HECW2: variants seen among roughly 807,000 people sequenced by gnomAD.
HECW2 encodes HECT, C2 and WW domain containing E3 ubiquitin protein ligase 2.
Under a neutral mutation model 175.2 loss-of-function variants are expected in HECW2, and 61 were observed. The ratio of observed to expected loss-of-function variants is 0.35; its 90% CI spans 0.28 to 0.43. The LOEUF (loss-of-function observed/expected upper bound fraction) is 0.43, where lower values mean the gene tolerates loss of function less well. Ranked by LOEUF, HECW2 falls within the 20% of genes least tolerant of loss-of-function variation. The probability of loss-of-function intolerance (pLI) is 1.00; values close to 1 mark genes in which losing one functional copy is unlikely to be tolerated. For missense variants in HECW2, 1,524 were observed against 2,000.5 expected, an observed-to-expected ratio of 0.76 and a Z score of 4.54; for synonymous variants, 671 against 731.0, an observed-to-expected ratio of 0.92 and a Z score of 1.32.
chr2:196,579,951 C>T (rs1428173199), intron 1 of HECW2, among the ~76,000 whole-genome samples: 2 of 152,068 alleles, frequency 1.3e-5, no homozygotes, highest in Non-Finnish European at 2.9e-5. Flanking sequence ...TGTAAGTCAC[C>T]CAGAGTGTGG....
chr2:196,243,670 C>G (rs779424718), intron 19 of HECW2, among the ~76,000 whole-genome samples: 3 of 151,064 alleles, frequency 2.0e-5, no homozygotes, highest in Non-Finnish European at 4.4e-5. Context: ...ACCTCTGTCT[C>G]CTGAGTTCAA....
At chr2:196,249,766 T>A (rs1343566179) in intron 19 of HECW2, among the ~76,000 whole-genome samples, 3 of 152,202 alleles carry the variant, frequency 2.0e-5, no homozygotes, top group African/African-American at 4.8e-5. Context: ...TCCATTGATA[T>A]CAGGCTGTAC....
chr2:196,311,897 C>A (rs557247935), intron 10 of HECW2, among the ~76,000 whole-genome samples: 2 of 152,222 alleles, frequency 1.3e-5, no homozygotes, highest in East Asian at 3.9e-4. Flanking sequence ...TAAATAGGCG[C>A]TTTTCAGTGG....
At chr2:196,575,780 T>A (rs932419391) in intron 1 of HECW2, among the ~76,000 whole-genome samples, 13 of 152,274 alleles carry the variant, frequency 8.5e-5, no homozygotes, top group Admixed American at 6.5e-4. Flanking sequence ...AAACTTTTAC[T>A]CATGGTGGGA....
At chr2:196,481,587 T>C (rs1322687285) in intron 1 of HECW2, among the ~76,000 whole-genome samples, 1 of 152,214 alleles carries the variant, frequency 6.6e-6, no homozygotes, top group Non-Finnish European at 1.5e-5. Context: ...AAAAACATAT[T>C]GTGGCATTCC....
At chr2:196,418,223 G>A (rs1205854956) in intron 2 of HECW2, among the ~76,000 whole-genome samples, 2 of 151,932 alleles carry the variant, frequency 1.3e-5, no homozygotes, top group South Asian at 4.2e-4. Context: ...CTGCCTCCCG[G>A]GTTCACGCCA....
intron 1 of HECW2, among the ~76,000 whole-genome samples, chr2:196,483,295 T>C (rs763142973): frequency 9.2e-5 from 14 of 152,184 alleles, no homozygotes; most frequent in Non-Finnish European, 1.8e-4. Flanking sequence ...TGCCAGGCAT[T>C]ATGCTAAGCT....
At chr2:196,386,107 T>C (rs752659988) in intron 2 of HECW2, among the ~76,000 whole-genome samples, 2 of 152,204 alleles carry the variant, frequency 1.3e-5, no homozygotes, top group Admixed American at 1.3e-4. Context: ...GTTTACTGAG[T>C]GCCTACTTTG....
At chr2:196,252,182 A>AATAATAATAATAATC (rs1161860856) in intron 19 of HECW2, among the ~76,000 whole-genome samples, 17 of 128,680 alleles carry the variant, frequency 1.3e-4, no homozygotes, top group Admixed American at 1.3e-3. Flanking sequence ...GATTCAAAAT[A>AATAATAATAATAATC]ATAATAATAA....
chr2:196,282,731 A>G (rs776608706), intron 14 of HECW2, among the ~76,000 whole-genome samples: 2 of 152,172 alleles, frequency 1.3e-5, no homozygotes, highest in Non-Finnish European at 2.9e-5. Context: ...AATAGACTGT[A>G]AATATTTCTT....
intron 1 of HECW2, among the ~76,000 whole-genome samples, chr2:196,549,327 C>G (rs539448189): frequency 1.3e-5 from 2 of 152,194 alleles, no homozygotes. Context: ...GTCTCACTAT[C>G]GTTACTTTAA....
chr2:196,506,860 A>G (rs933247225), intron 1 of HECW2, among the ~76,000 whole-genome samples: 3 of 152,172 alleles, frequency 2.0e-5, no homozygotes, highest in Admixed American at 1.3e-4. Context: ...CCACATTTGG[A>G]AAAACACTGC....
At chr2:196,377,513 C>T (rs551090630) in intron 2 of HECW2, among the ~76,000 whole-genome samples, 1 of 152,266 alleles carries the variant, frequency 6.6e-6, no homozygotes, top group South Asian at 2.1e-4. Context: ...AGGGGAACTC[C>T]CCTTTATAAA....
At chr2:196,348,436 A>T (rs1457447130) in intron 2 of HECW2, among the ~76,000 whole-genome samples, 1 of 152,072 alleles carries the variant, frequency 6.6e-6, no homozygotes, top group Non-Finnish European at 1.5e-5. Context: ...TGAGGCCAGA[A>T]GTTTGAGACC....
In HECW2 at chr2:196,319,702, T is replaced by C; in HGVS notation, c.1188A>G (p.Thr396=). The change falls in exon 9 of 29, where the codon ACA becomes ACG. Residue 396 remains threonine (T), a synonymous_variant. Transcript: ENST00000644978. ...FRTSSTLEID[T]EELTSTSSRT... is the part of the protein sequence containing the mutation. ...TTGAAGACGTAGAGGTTAATTCCTC[T>C]GTGTCTATTTCCAGAGTGGAGCTAG... The C allele has an allele frequency of 6.2e-7, 1 of 1,614,228 alleles. No individual in the cohort carries two copies.
At chr2:196,220,212 A>G (rs1687616712) in intron 25 of HECW2, 59 bp from the exon 26 acceptor site, 2 of 1,120,004 alleles carry the variant, frequency 1.8e-6, no homozygotes, top group Admixed American at 3.4e-5. Context: ...ATCAGCTATA[A>G]TTAAGCCTTA....
chr2:196,314,454 C>T (rs887863317), intron 10 of HECW2, among the ~76,000 whole-genome samples: 1 of 152,206 alleles, frequency 6.6e-6, no homozygotes, highest in Non-Finnish European at 1.5e-5. Flanking sequence ...ATAGGCCCTT[C>T]CCTTCCAATC....
intron 17 of HECW2, among the ~76,000 whole-genome samples, chr2:196,267,987 T>G (rs1689580761): frequency 6.6e-6 from 1 of 152,230 alleles, no homozygotes; most frequent in Non-Finnish European, 1.5e-5. Flanking sequence ...CATAGATTAC[T>G]GAGTGGCTCC....
rs1691848012 is a variant in HECW2, at chr2:196,319,368, G to C, written c.1522C>G (p.Leu508Val). ...TCATTCTCAACAGGGTTGTCCTCCA[G>C]CTTTGTCTGAGATGTCAGGCTTCCA... The part of the protein sequence containing the change: ...DDGSLTSQTK[L>V]EDNPVENEEA... Residue 508 changes from leucine to valine, a missense_variant, in exon 9 of 29, where the codon CTG becomes GTG. Around this residue, in one of 11 missense-constraint regions of HECW2, gnomAD observed 604 missense variants for 588.3 expected, o/e 1.03. Coordinates refer to ENST00000644978, the MANE Select transcript of HECW2 (RefSeq NM_001348768.2). 6.2e-7 allele frequency: 1 copy of C among 1,614,198 alleles called. No homozygotes were observed. Among genetic ancestry groups the C allele is most frequent in the Admixed American group, 1.7e-5 (1 of 60,026 alleles).
Sources: allele counts gnomAD v4.1 joint callset (sites outside exome capture counted in the v4.1 genomes callset), GRCh38; gene constraint gnomAD v4.1.1; regional missense constraint gnomAD v4.1.1; transcripts MANE v1.5; gene names NCBI Gene and HGNC (gene_info 2026-07-23, HGNC 2026-07-21).